GPC5: variants seen among roughly 807,000 people sequenced by gnomAD.
GPC5 encodes glypican-5.
Under a neutral mutation model 53.9 loss-of-function variants are expected in GPC5, and 47 were observed. The ratio of observed to expected loss-of-function variants is 0.87; its 90% CI spans 0.69 to 1.11. GPC5 has a LOEUF of 1.11. GPC5 is among the 50% of genes most tolerant of loss of function. GPC5 has a pLI of 0.00. For synonymous variants in GPC5, 286 were observed against 263.3 expected, an observed-to-expected ratio of 1.09 and a Z score of -0.84; for missense variants, 748 against 713.1, an observed-to-expected ratio of 1.05 and a Z score of -0.56.
chr13:91,788,760 C>A (rs1236498169), intron 5 of GPC5, among the ~76,000 whole-genome samples: 1 of 151,928 alleles, frequency 6.6e-6, no homozygotes, highest in Non-Finnish European at 1.5e-5. Flanking sequence ...GGTGGCTGGG[C>A]CTTGTTTATT....
intron 7 of GPC5, among the ~76,000 whole-genome samples, chr13:92,541,864 A>G (rs960721660): frequency 1.3e-5 from 2 of 151,916 alleles, no homozygotes; most frequent in Non-Finnish European, 2.9e-5. Flanking sequence ...CTCCAGGACC[A>G]TTTACCAAAG....
chr13:92,383,532 G>T (rs1289016323), intron 7 of GPC5, among the ~76,000 whole-genome samples: 1 of 152,042 alleles, frequency 6.6e-6, no homozygotes. Flanking sequence ...GCTTATTTTT[G>T]GTTTAACACA....
intron 7 of GPC5, among the ~76,000 whole-genome samples, chr13:92,777,804 A>T (rs1158112465): frequency 6.6e-6 from 1 of 152,204 alleles, no homozygotes; most frequent in Non-Finnish European, 1.5e-5. Flanking sequence ...ATTTTACAGA[A>T]TAATTTATGG....
chr13:92,747,978 C>A (rs1889280217), intron 7 of GPC5, among the ~76,000 whole-genome samples: 1 of 152,094 alleles, frequency 6.6e-6, no homozygotes, highest in African/African-American at 2.4e-5. Flanking sequence ...TATATATGTA[C>A]ATTTAATAAC....
intron 2 of GPC5, among the ~76,000 whole-genome samples, chr13:91,649,672 T>C (rs1217464460): frequency 6.6e-6 from 1 of 152,196 alleles, no homozygotes; most frequent in Non-Finnish European, 1.5e-5. Flanking sequence ...TCTATATTGA[T>C]CAGCAGTCCC....
chr13:91,552,640 G>T (rs1855906), intron 2 of GPC5, among the ~76,000 whole-genome samples: 130,768 of 152,038 alleles, frequency 0.86, 57,621 homozygotes, highest in East Asian at 1. Context: ...TGCAGCAGAA[G>T]CATGTCCTTA....
rs78963619 is a variant in GPC5 at position 92,566,695 on chromosome 13, C to A, written c.1562-299587C>A. ...AGGGTAAATAACAAATCCATCAATG[C>A]TCCAGTGTGTTCTATGTCCTCACCC... On this transcript the variant is annotated intron_variant, in intron 7 of 7. Coordinates refer to ENST00000377067, the MANE Select transcript of GPC5 (RefSeq NM_004466.6). Among the ~76,000 whole-genome samples the A allele has an allele frequency of 4.3e-3, 657 of 152,166 alleles. 2 individuals carry two copies. The highest frequency in any genetic ancestry group is 0.015 in the African/African-American group (616 of 41,536).
intron 6 of GPC5, among the ~76,000 whole-genome samples, chr13:92,030,143 A>G (rs1486076181): frequency 6.6e-6 from 1 of 152,204 alleles, no homozygotes; most frequent in Non-Finnish European, 1.5e-5. Flanking sequence ...GAAAGAAAAG[A>G]AGGGTATTAA....
At chr13:92,135,840 A>T (rs2041779879) in intron 6 of GPC5, among the ~76,000 whole-genome samples, 1 of 151,750 alleles carries the variant, frequency 6.6e-6, no homozygotes, top group Admixed American at 6.6e-5. Context: ...TGGTCAACTT[A>T]ACATAACATG....
rs150893508 is a variant in GPC5 at position 91,568,552 on chromosome 13, G to A, written c.325+119630G>A. Among the ~76,000 whole-genome samples the A allele has an allele frequency of 2.2e-3, 311 of 144,146 alleles. 3 individuals carry two copies. Among genetic ancestry groups the A allele is most frequent in the African/African-American group, 7.7e-3 (293 of 37,942 alleles). The allele number at this position is 144,146 out of a possible 152,430, so 94.6% of individuals were successfully genotyped here. ...ATCACATTGCTAGGGAAAAAGTAGAGCTTTTATTGAAAAAAAAAAAGGCAT... is the reference window on the plus strand; with the variant it reads ...ATCACATTGCTAGGGAAAAAGTAGAACTTTTATTGAAAAAAAAAAAGGCAT... On this transcript the variant is annotated intron_variant, in intron 2 of 7. Transcript: ENST00000377067.
intron 6 of GPC5, among the ~76,000 whole-genome samples, chr13:92,023,855 TA>T (rs1372058381): frequency 9.9e-5 from 15 of 152,158 alleles, no homozygotes; most frequent in Admixed American, 9.2e-4. Flanking sequence ...AAGACTTGTT[TA>T]CATAGAATTC....
At chr13:92,071,557 C>T (rs1302661264) in intron 6 of GPC5, among the ~76,000 whole-genome samples, 1 of 151,940 alleles carries the variant, frequency 6.6e-6, no homozygotes, top group Non-Finnish European at 1.5e-5. Context: ...TTTCTTATCC[C>T]TCTAACTTGA....
At chr13:91,664,246 G>A (rs554957109) in intron 2 of GPC5, among the ~76,000 whole-genome samples, 13 of 152,288 alleles carry the variant, frequency 8.5e-5, no homozygotes, top group Admixed American at 4.6e-4. Context: ...GGTTAATTAC[G>A]CTAGGAGGGA....
intron 7 of GPC5, among the ~76,000 whole-genome samples, chr13:92,846,647 A>G (rs932059851): frequency 6.6e-6 from 1 of 152,158 alleles, no homozygotes; most frequent in Admixed American, 6.5e-5. Flanking sequence ...TATTAGTGAG[A>G]GTGAAATGAG....
At chr13:92,222,566 A>G (rs559123834) in intron 7 of GPC5, among the ~76,000 whole-genome samples, 3 of 152,200 alleles carry the variant, frequency 2.0e-5, no homozygotes, top group African/African-American at 7.2e-5. Flanking sequence ...TATTTCTTTC[A>G]CTGTTGTATT....
intron 7 of GPC5, among the ~76,000 whole-genome samples, chr13:92,742,585 A>T (rs575219542): frequency 2.2e-3 from 333 of 150,778 alleles, no homozygotes; most frequent in African/African-American, 7.6e-3. Context: ...CTTTAGTTTA[A>T]TTAGATCCCA....
intron 7 of GPC5, among the ~76,000 whole-genome samples, chr13:92,691,784 A>G (rs1290155809): frequency 6.8e-6 from 1 of 146,108 alleles, no homozygotes; most frequent in Non-Finnish European, 1.5e-5. Flanking sequence ...TTTTTTTTTT[A>G]TACCTTAAAC....
intron 7 of GPC5, among the ~76,000 whole-genome samples, chr13:92,527,937 ATAGT>A (rs1881425641): frequency 6.6e-6 from 1 of 152,184 alleles, no homozygotes; most frequent in Admixed American, 6.5e-5. Context: ...TTTAATGAAA[ATAGT>A]TAAACTATCA....
chr13:92,515,054 G>A (rs1267924770), intron 7 of GPC5, among the ~76,000 whole-genome samples: 2 of 152,124 alleles, frequency 1.3e-5, no homozygotes, highest in South Asian at 4.1e-4. Flanking sequence ...GAACCTGGAG[G>A]ATAAGTATGC....
Sources: allele counts gnomAD v4.1 joint callset (sites outside exome capture counted in the v4.1 genomes callset), GRCh38; gene constraint gnomAD v4.1.1; transcripts MANE v1.5; gene names NCBI Gene and HGNC (gene_info 2026-07-23, HGNC 2026-07-21).